DDX52: variants seen among roughly 807,000 people sequenced by gnomAD.
The protein encoded by DDX52 is DExD-box helicase 52.
DDX52 carries 59 observed loss-of-function variants against 76.1 expected under a neutral mutation model. That is an observed-to-expected ratio of 0.78 (90% CI 0.63 to 0.96). The LOEUF (loss-of-function observed/expected upper bound fraction) is 0.96. DDX52 is among the 40% of genes least tolerant of loss of function. The pLI, the probability that DDX52 is intolerant of heterozygous loss-of-function variation, is 0.00. For missense variants in DDX52, 707 were observed against 703.9 expected (o/e 1.00, Z -0.05); for synonymous variants, 231 against 244.1 (o/e 0.95, Z 0.50).
At chr17:37,618,225 G>A (rs2147336447) in intron 14 of DDX52, 67 bp downstream of exon 14, 1 of 1,273,084 alleles carries the variant, frequency 7.9e-7, no homozygotes, top group Non-Finnish European at 1.1e-6. Context: ...ATTTACCTAA[G>A]GAAAAATAAT....
At chr17:37,642,381 A>G (rs888671563) in intron 1 of DDX52, 73 bp from the exon 2 acceptor site, 74 of 1,472,456 alleles carry the variant, frequency 5.0e-5, no homozygotes, top group Non-Finnish European at 4.0e-5. Flanking sequence ...AGACTGTTCA[A>G]TGACTCCTCA....
At chr17:37,637,217 C>T (rs1239841899) in intron 2 of DDX52, among the ~76,000 whole-genome samples, 12 of 150,770 alleles carry the variant, frequency 8.0e-5, no homozygotes, top group Non-Finnish European at 1.6e-4. Flanking sequence ...CTGCAACCTC[C>T]GCCTCCCAGG....
intron 2 of DDX52, among the ~76,000 whole-genome samples, chr17:37,641,319 G>A (rs2031186930): frequency 6.7e-6 from 1 of 149,538 alleles, no homozygotes; most frequent in African/African-American, 2.5e-5. Context: ...GGAGAATGAC[G>A]TGAACCCAGG....
intron 14 of DDX52, 65 bp from the exon 15 acceptor site, chr17:37,614,418 T>C: frequency 6.8e-7 from 1 of 1,474,134 alleles, no homozygotes; most frequent in Non-Finnish European, 9.3e-7. Context: ...TCCATAACCC[T>C]ACCACCAGTT....
At chr17:37,634,607 G>A (rs1156814500) in intron 2 of DDX52, among the ~76,000 whole-genome samples, 4 of 151,564 alleles carry the variant, frequency 2.6e-5, no homozygotes, top group African/African-American at 7.3e-5. Flanking sequence ...CTCCAGCCTC[G>A]GCAACAGAGC....
intron 8 of DDX52, among the ~76,000 whole-genome samples, chr17:37,625,231 G>C (rs1367908430): frequency 6.6e-6 from 1 of 152,066 alleles, no homozygotes; most frequent in Admixed American, 6.5e-5. Flanking sequence ...GACCTCAGGC[G>C]ATCTACCTGC....
Position 37,632,356 on chromosome 17 carries a change from T to C in DDX52, c.418-58A>G, listed in dbSNP as rs545113480. 5.2e-5 allele frequency: 82 copies of C among 1,585,584 alleles called. No homozygotes were observed. In the South Asian group the frequency reaches 8.5e-4, roughly 16 times the overall value. On this transcript the variant is annotated intron_variant, in intron 3 of 14. Transcript: ENST00000617633. ...ATGGCCAAATAAATACATTCTCAGATGTTATAAAGCAACATTAACAGTTTC... is the reference window on the plus strand; with the variant it reads ...ATGGCCAAATAAATACATTCTCAGACGTTATAAAGCAACATTAACAGTTTC...
In DDX52 at chr17:37,621,445, C is replaced by T. The variant is rs904584592; in HGVS notation, c.1303G>A (p.Glu435Lys). ...TGAATAACATCCACATTAATACCTT[C>T]ATATATGAGCTCATGAAAAAGTTCT... ...AKELFHELIY[E>K]GINVDVIHAE... is the part of the protein sequence containing the mutation. Residue 435 changes from glutamate to lysine, a missense_variant, in exon 10 of 15, where the codon GAA becomes AAA. Physicochemically the swap from Glu to Lys is moderately conservative, Grantham distance 56 (BLOSUM62 1). Transcript: ENST00000617633. 2.5e-6 allele frequency: 4 copies of T among 1,613,686 alleles called. No homozygotes were observed. Among genetic ancestry groups the T allele is most frequent in the African/African-American group, 2.7e-5 (2 of 74,880 alleles).
chr17:37,638,152 C>A (rs1191831275), intron 2 of DDX52, among the ~76,000 whole-genome samples: 1 of 152,160 alleles, frequency 6.6e-6, no homozygotes, highest in Non-Finnish European at 1.5e-5. Flanking sequence ...CAGTCAAGAG[C>A]AAAGGCAACA....
Position 37,626,879 on chromosome 17 carries a change from G to A in DDX52, c.860-19C>T. On this transcript the variant is annotated intron_variant, in intron 6 of 14. Coordinates refer to ENST00000617633, the MANE Select transcript of DDX52 (RefSeq NM_007010.5). ...AGAATATCTATAGGAAAAACAAATG[G>A]TAGAAATTGCAAAAACAGGATTTAT... 6.3e-7 allele frequency: 1 copy of A among 1,597,746 alleles called. No homozygotes were observed. The highest frequency in any genetic ancestry group is 1.1e-5 in the South Asian group (1 of 88,052).
At chr17:37,631,578 C>T (rs2030683857) in intron 4 of DDX52, 1 of 155,470 alleles carries the variant, frequency 6.4e-6, no homozygotes, top group African/African-American at 2.4e-5. Flanking sequence ...CTGAAACTCA[C>T]TAAACTGGGC....
At chr17:37,634,643 T>C (rs1019493934) in intron 2 of DDX52, among the ~76,000 whole-genome samples, 15 of 151,684 alleles carry the variant, frequency 9.9e-5, no homozygotes, top group African/African-American at 3.1e-4. Flanking sequence ...AATAAATAAA[T>C]AGCAATGAAC....
intron 2 of DDX52, among the ~76,000 whole-genome samples, chr17:37,634,545 C>CTG (rs2030840105): frequency 6.6e-6 from 1 of 151,648 alleles, no homozygotes; most frequent in South Asian, 2.1e-4. Flanking sequence ...GCAGGAGAAT[C>CTG]ACCTGAAGCC....
chr17:37,642,125 T>C lies in DDX52; in HGVS notation c.271A>G (p.Lys91Glu). The C allele has an allele frequency of 6.2e-7, 1 of 1,613,298 alleles. No individual in the cohort carries two copies. The highest frequency in any genetic ancestry group is 1.3e-5 in the African/African-American group (1 of 74,868). ...AAACACTAACCTGAAGTCATCGTCT[T>C]CCTTTTTTTCTTGCTCTGCTCCCTC... ...RKREQSKKKRKTMTSEIASQE... is the reference protein window; with the variant it reads ...RKREQSKKKRETMTSEIASQE... Residue 91 changes from lysine (K) to glutamate (E), a missense_variant, in exon 2 of 15, where the codon AAG (lysine) becomes GAG (glutamate). By Grantham distance (56) the Lys-to-Glu change is moderately conservative. Coordinates refer to ENST00000617633, the MANE Select transcript of DDX52 (RefSeq NM_007010.5).
chr17:37,621,211 C>A lies in DDX52; in HGVS notation c.1417G>T (p.Ala473Ser). 6.2e-7 allele frequency: 1 copy of A among 1,614,042 alleles called. No individual in the cohort carries two copies. Residue 473 changes from alanine (A) to serine (S), a missense_variant, in exon 11 of 15, where the codon GCA becomes TCA. By Grantham distance (99) the Ala-to-Ser change is moderately conservative. Coordinates refer to ENST00000617633, the MANE Select transcript of DDX52 (RefSeq NM_007010.5). ...IWVLICTALL[A>S]RGIDFKGVNL... ...ACACCTTTAAAATCAATCCCTCTTG[C>A]TAGCAAGGCTGTACAAATCAGAACC...
intron 6 of DDX52, 88 bp from the exon 7 acceptor site, chr17:37,626,948 AC>A: frequency 1.5e-5 from 16 of 1,051,402 alleles, no homozygotes; most frequent in Non-Finnish European, 2.3e-5. Context: ...TCAGTTAATA[AC>A]CTGAAGTGGG....
chr17:37,611,474 G>A lies in DDX52; in HGVS notation c.*2822C>T, dbSNP rs2064363876. 6.6e-6 allele frequency: 1 copy of A among 152,118 alleles called. No individual in the cohort carries two copies. Among genetic ancestry groups the A allele is most frequent in the South Asian group, 2.1e-4 (1 of 4,824 alleles). 9.4% of individuals were successfully genotyped at this position (152,118 alleles called of 1,614,324 possible). On this transcript the variant is annotated 3_prime_UTR_variant, in exon 15 of 15. Transcript: ENST00000617633. ...ATTTGCATTTTAGGCTAAGTGTTAT[G>A]ACAAGAATCAAAAAAGTTTATAAAG...
Position 37,610,393 on chromosome 17 carries a change from C to T in DDX52, c.*3903G>A, listed in dbSNP as rs1244042634. The T allele has an allele frequency of 6.9e-6, 1 of 145,706 alleles. No individual in the cohort carries two copies. The highest frequency in any genetic ancestry group is 1.5e-5 in the Non-Finnish European group (1 of 67,382). The allele number at this position is 145,706 out of a possible 1,614,324, so 9.0% of individuals were successfully genotyped here. On this transcript the variant is annotated 3_prime_UTR_variant, in exon 15 of 15. Coordinates refer to ENST00000617633, the MANE Select transcript of DDX52 (RefSeq NM_007010.5). Reference sequence around the variant, plus strand: ...CAAGCTATGCTCCCACCTCGGCCTCCAAGTGCCAGGGTGTGAGCCACATGC... The same window carrying T: ...CAAGCTATGCTCCCACCTCGGCCTCTAAGTGCCAGGGTGTGAGCCACATGC...
chr17:37,626,400 T>C (rs915372075), intron 7 of DDX52, among the ~76,000 whole-genome samples: 5 of 152,144 alleles, frequency 3.3e-5, no homozygotes, highest in Admixed American at 1.3e-4. Context: ...ATGTAAGATA[T>C]GTCTTGCTTC....
Sources: allele counts gnomAD v4.1 joint callset (sites outside exome capture counted in the v4.1 genomes callset), GRCh38; gene constraint gnomAD v4.1.1; transcripts MANE v1.5; gene names NCBI Gene and HGNC (gene_info 2026-07-23, HGNC 2026-07-21).